GSK3B: variants seen among roughly 807,000 people sequenced by gnomAD.
GSK3B encodes glycogen synthase kinase-3 beta.
In GSK3B, 15 loss-of-function variants were observed where a neutral mutation model predicts 56.4. The observed-to-expected ratio is 0.27, with a 90% CI of 0.18 to 0.41. The LOEUF is 0.41. Among genes scored for constraint, GSK3B ranks in the 10% least tolerant of loss-of-function variants. The pLI is 1.00. For missense variants in GSK3B, 300 were observed against 513.4 expected (o/e 0.58, Z 4.02); for synonymous variants, 181 against 188.9 (o/e 0.96, Z 0.34).
At chr3:119,978,014 C>A (rs2057423521) in intron 2 of GSK3B, among the ~76,000 whole-genome samples, 1 of 152,128 alleles carries the variant, frequency 6.6e-6, no homozygotes, top group Admixed American at 6.5e-5. Context: ...ATTTTACAGG[C>A]AGTGAAATTG....
chr3:119,878,458 A>G (rs2056339882), intron 7 of GSK3B, among the ~76,000 whole-genome samples: 1 of 152,200 alleles, frequency 6.6e-6, no homozygotes, highest in Non-Finnish European at 1.5e-5. Context: ...ACTATGTATA[A>G]CAAATCTTGG....
At chr3:120,078,886 TTTAA>T (rs2058388958) in intron 1 of GSK3B, among the ~76,000 whole-genome samples, 1 of 149,478 alleles carries the variant, frequency 6.7e-6, no homozygotes, top group Non-Finnish European at 1.5e-5. Context: ...ACAGCTCTTC[TTTAA>T]TTTTCTACAA....
chr3:119,889,965 G>A (rs2056483781), intron 7 of GSK3B, among the ~76,000 whole-genome samples: 1 of 152,034 alleles, frequency 6.6e-6, no homozygotes, highest in Non-Finnish European at 1.5e-5. Context: ...AATGATAAAA[G>A]TCATTTTAAG....
intron 2 of GSK3B, among the ~76,000 whole-genome samples, chr3:119,987,706 G>T (rs1400575669): frequency 6.6e-6 from 1 of 151,944 alleles, no homozygotes; most frequent in Non-Finnish European, 1.5e-5. Context: ...ATTAAAATTG[G>T]ATAAATATGC....
At chr3:119,833,570 A>G (rs1374487803) in intron 10 of GSK3B, among the ~76,000 whole-genome samples, 1 of 152,114 alleles carries the variant, frequency 6.6e-6, no homozygotes, top group Non-Finnish European at 1.5e-5. Context: ...CTACAAAATT[A>G]TTAAACATTT....
rs1470951888 is a variant in GSK3B, at chr3:120,068,091, T to G, written c.88+25256A>C. On this transcript the variant is annotated intron_variant, in intron 1 of 10. Coordinates refer to ENST00000264235, the MANE Select transcript of GSK3B (RefSeq NM_001146156.2). The stretch of plus-strand genomic sequence containing the variant: ...CAAAAACATCATATGATGTCTGAAA[T>G]TTGCTTTAAAAATATTTGGGGCCAG... 3.3e-5 allele frequency among the ~76,000 whole-genome samples: 5 copies of G among 152,102 alleles called. No homozygotes were observed. The East Asian group carries it at 7.7e-4, about 23-fold the overall frequency.
chr3:119,835,092 A>G (rs958149779), intron 10 of GSK3B, among the ~76,000 whole-genome samples: 6 of 152,216 alleles, frequency 3.9e-5, no homozygotes, highest in Non-Finnish European at 7.3e-5. Flanking sequence ...GCAACACTGT[A>G]CCTAAAAAAG....
At chr3:119,919,460 C>T (rs1311100903) in intron 4 of GSK3B, among the ~76,000 whole-genome samples, 2 of 150,230 alleles carry the variant, frequency 1.3e-5, no homozygotes, top group Non-Finnish European at 3.0e-5. Context: ...ATCGATGTCC[C>T]CAAAGAATAA....
chr3:120,020,619 C>T (rs2057868361), intron 1 of GSK3B, among the ~76,000 whole-genome samples: 1 of 152,188 alleles, frequency 6.6e-6, no homozygotes, highest in African/African-American at 2.4e-5. Context: ...TCCCTCTCCT[C>T]AGCCTCCTTA....
Position 119,826,827 on chromosome 3 carries a change from G to A in GSK3B, c.1224C>T (p.Thr408=), listed in dbSNP as rs138983843. ...AAGCTGATGCAGAAGCAGCATTATT[G>A]GTCTGTCCACGGTCTCCAGTATTAG... is the stretch of plus-strand genomic sequence containing the variant. The part of the protein sequence containing the change: ...SDANTGDRGQ[T]NNAASASASN... Residue 408 remains threonine (T), a synonymous_variant, in exon 11 of 11, where the codon ACC becomes ACT. Transcript: ENST00000264235. 1 of 1,612,520 alleles carries A rather than the reference G, an allele frequency of 6.2e-7. No individual in the cohort carries two copies. The highest frequency in any genetic ancestry group is 8.5e-7 in the Non-Finnish European group (1 of 1,178,664).
At chr3:119,996,033 T>C (rs992689546) in intron 2 of GSK3B, among the ~76,000 whole-genome samples, 4 of 152,180 alleles carry the variant, frequency 2.6e-5, no homozygotes, top group African/African-American at 9.6e-5. Context: ...CCACCACTCC[T>C]GGCCTAAGCC....
intron 2 of GSK3B, among the ~76,000 whole-genome samples, chr3:119,999,398 C>G (rs1336317874): frequency 6.6e-6 from 1 of 152,166 alleles, no homozygotes; most frequent in Non-Finnish European, 1.5e-5. Context: ...GTGACCCTGA[C>G]AAGTTAATTT....
At chr3:120,046,909 C>CCTAAA (rs1559890068) in intron 1 of GSK3B, among the ~76,000 whole-genome samples, 1 of 152,154 alleles carries the variant, frequency 6.6e-6, no homozygotes. Flanking sequence ...CCGCTCCCAG[C>CCTAAA]CTAAACTTTT....
At chr3:119,937,348 T>G (rs986731155) in intron 3 of GSK3B, among the ~76,000 whole-genome samples, 1 of 152,058 alleles carries the variant, frequency 6.6e-6, no homozygotes, top group African/African-American at 2.4e-5. Context: ...CCACTACAAC[T>G]GGTTGGTAAA....
intron 2 of GSK3B, among the ~76,000 whole-genome samples, chr3:119,978,867 A>G (rs1250496443): frequency 2.0e-5 from 3 of 152,202 alleles, no homozygotes; most frequent in Non-Finnish European, 4.4e-5. Context: ...ACTAAGCTAG[A>G]GGAAATCTTG....
chr3:119,881,386 T>C (rs1334717719), intron 7 of GSK3B, among the ~76,000 whole-genome samples: 1 of 152,188 alleles, frequency 6.6e-6, no homozygotes, highest in Non-Finnish European at 1.5e-5. Context: ...GGGGCAAAAG[T>C]AATTCTTCTA....
At chr3:119,897,207 T>C (rs1421860874) in intron 7 of GSK3B, among the ~76,000 whole-genome samples, 1 of 152,182 alleles carries the variant, frequency 6.6e-6, no homozygotes, top group Non-Finnish European at 1.5e-5. Flanking sequence ...CAGGAGTTAT[T>C]TTTCCATGCC....
At chr3:120,014,131 T>C (rs1474455554) in intron 1 of GSK3B, among the ~76,000 whole-genome samples, 3 of 100,302 alleles carry the variant, frequency 3.0e-5, no homozygotes, top group Non-Finnish European at 3.6e-5. Context: ...TGAGACTCTG[T>C]CAAAAAAAAA....
At chr3:119,827,662 C>T (rs1266269512) in intron 10 of GSK3B, among the ~76,000 whole-genome samples, 6 of 150,692 alleles carry the variant, frequency 4.0e-5, no homozygotes, top group Non-Finnish European at 8.9e-5. Context: ...AGAATGAGAT[C>T]CTGCCATTTG....
Sources: gnomAD v4.1 joint callset for allele counts (sites outside exome capture counted in the v4.1 genomes callset) on GRCh38, gnomAD v4.1.1 for gene constraint, MANE v1.5 for transcripts, NCBI Gene and HGNC (gene_info 2026-07-23, HGNC 2026-07-21) for gene names.